NRXN1: variants seen among roughly 807,000 people sequenced by gnomAD.
The protein encoded by NRXN1 is neurexin 1.
NRXN1 carries 39 observed loss-of-function variants against 150.9 expected under a neutral mutation model. That is an observed-to-expected ratio of 0.26 (90% CI 0.20 to 0.34). The LOEUF (loss-of-function observed/expected upper bound fraction) is 0.34, where lower values mean the gene tolerates loss of function less well. Among genes scored for constraint, NRXN1 ranks in the 10% least tolerant of loss-of-function variants. The pLI, the probability that NRXN1 is intolerant of heterozygous loss-of-function variation, is 1.00. For missense variants in NRXN1, 1,815 were observed against 1,949.9 expected (o/e 0.93, Z 1.30); for synonymous variants, 924 against 757.0 (o/e 1.22, Z -3.62).
intron 8 of NRXN1, among the ~76,000 whole-genome samples, chr2:50,591,406 A>AGATAGATAGATAGATAGAT (rs1674205439): frequency 7.4e-6 from 1 of 135,494 alleles, no homozygotes; most frequent in East Asian, 2.2e-4. Flanking sequence ...ATAGATAGAT[A>AGATAGATAGATAGATAGAT]GATAGATAGA....
chr2:50,496,471 C>T (rs779323415), intron 14 of NRXN1, among the ~76,000 whole-genome samples: 1 of 152,158 alleles, frequency 6.6e-6, no homozygotes, highest in Non-Finnish European at 1.5e-5. Context: ...TCCTCTATCT[C>T]GATTCCCTGT....
At chr2:50,083,259 G>A (rs1251659655) in intron 19 of NRXN1, among the ~76,000 whole-genome samples, 6 of 152,182 alleles carry the variant, frequency 3.9e-5, no homozygotes, top group African/African-American at 1.4e-4. Flanking sequence ...AAGCAGTTAA[G>A]CCTAGTTGAT....
At chr2:50,526,798 T>C (rs1003745514) in intron 12 of NRXN1, 1 of 152,206 alleles carries the variant, frequency 6.6e-6, no homozygotes. Context: ...CAATCATTAA[T>C]TGAATTCAAG....
intron 15 of NRXN1, among the ~76,000 whole-genome samples, chr2:50,483,049 T>TTAA (rs2090593879): frequency 6.1e-5 from 1 of 16,490 alleles, no homozygotes. Flanking sequence ...AGACTCCGTG[T>TTAA]CAAAAAAAAA....
At chr2:50,995,602 CAAAAA>C (rs34952996) in intron 2 of NRXN1, among the ~76,000 whole-genome samples, 3 of 71,926 alleles carry the variant, frequency 4.2e-5, no homozygotes, top group South Asian at 5.0e-4. Flanking sequence ...TAGACTCTGT[CAAAAA>C]AAAAAAAAAA....
chr2:50,446,351 C>T (rs552699071), intron 17 of NRXN1, among the ~76,000 whole-genome samples: 1 of 149,472 alleles, frequency 6.7e-6, no homozygotes, highest in African/African-American at 2.5e-5. Flanking sequence ...CCCCCAGTCC[C>T]TTCCTCCCTC....
chr2:50,880,665 A>G (rs1300945615), intron 5 of NRXN1, among the ~76,000 whole-genome samples: 1 of 152,034 alleles, frequency 6.6e-6, no homozygotes, highest in Non-Finnish European at 1.5e-5. Context: ...CAGAAGAATC[A>G]GGCATTTTGT....
chr2:50,794,749 T>C (rs1420442444), intron 5 of NRXN1, among the ~76,000 whole-genome samples: 1 of 152,140 alleles, frequency 6.6e-6, no homozygotes, highest in East Asian at 1.9e-4. Context: ...AAATAAGCAA[T>C]ATATTATCTC....
At chr2:50,124,722 T>C (rs912670934) in intron 18 of NRXN1, among the ~76,000 whole-genome samples, 3 of 152,146 alleles carry the variant, frequency 2.0e-5, no homozygotes, top group African/African-American at 7.2e-5. Context: ...AGTAAAATCA[T>C]TTAAGAATTT....
At chr2:50,440,826 C>T (rs1425737277) in intron 17 of NRXN1, among the ~76,000 whole-genome samples, 3 of 152,062 alleles carry the variant, frequency 2.0e-5, no homozygotes, top group African/African-American at 7.2e-5. Flanking sequence ...TGTTTAAGTT[C>T]ATACCCTGAT....
chr2:50,323,228 T>G (rs192505353), intron 17 of NRXN1, among the ~76,000 whole-genome samples: 3 of 152,178 alleles, frequency 2.0e-5, no homozygotes, highest in African/African-American at 7.2e-5. Context: ...TCTTCTGGAG[T>G]GCTGGTTAAA....
chr2:50,495,942 C>A lies in NRXN1; in HGVS notation c.3033G>T (p.Thr1011=), dbSNP rs764611037. 12 of 1,610,138 alleles carry A rather than the reference C, an allele frequency of 7.5e-6. No individual in the cohort carries two copies. The highest frequency in any genetic ancestry group is 1.0e-5 in the Non-Finnish European group (12 of 1,178,030). ...HTVKIDTKIT[T]QITAGARNLD... is the part of the protein sequence containing the mutation. ...AGTTCCTGGCTCCGGCGGTGATTTG[C>A]GTTGTGATTTTTGTGTCAATCTTTA... The change falls in exon 15 of 23, where the codon ACG becomes ACT. Residue 1011 remains threonine (T), a synonymous_variant. Coordinates refer to ENST00000401669, the MANE Select transcript of NRXN1 (RefSeq NM_001330078.2).
intron 5 of NRXN1, among the ~76,000 whole-genome samples, chr2:50,639,592 T>C (rs1017971805): frequency 4.6e-5 from 7 of 152,130 alleles, no homozygotes; most frequent in Non-Finnish European, 7.4e-5. Flanking sequence ...GATGGAAATA[T>C]TCATTCTGTA....
intron 18 of NRXN1, among the ~76,000 whole-genome samples, chr2:50,169,711 C>CAAAAAAA (rs11296551): frequency 1.9e-5 from 2 of 103,796 alleles, no homozygotes; most frequent in Non-Finnish European, 1.9e-5. Context: ...GCTTCCATCT[C>CAAAAAAA]AAAAAAAAAA....
intron 8 of NRXN1, among the ~76,000 whole-genome samples, chr2:50,588,348 A>T (rs1219563502): frequency 1.3e-5 from 2 of 152,188 alleles, no homozygotes; most frequent in African/African-American, 4.8e-5. Flanking sequence ...CTAAATAGTA[A>T]CTGTGACACT....
intron 2 of NRXN1, among the ~76,000 whole-genome samples, chr2:50,986,906 T>A (rs1015445875): frequency 6.6e-6 from 1 of 151,736 alleles, no homozygotes; most frequent in South Asian, 2.1e-4. Context: ...GAAAGTAAAA[T>A]TGAAAAACAG....
Position 50,347,573 on chromosome 2 carries a change from C to T in NRXN1, c.3365-110603G>A. 2.9e-6 allele frequency: 3 copies of T among 1,019,406 alleles called. No individual in the cohort carries two copies. In the South Asian group the frequency reaches 1.1e-4, roughly 36 times the overall value. 63.1% of individuals were successfully genotyped at this position (1,019,406 alleles called of 1,614,324 possible). On this transcript the variant is annotated intron_variant, in intron 17 of 22. Transcript: ENST00000401669. This position sits in a 1 kb window ranked among gnomAD's most constrained non-coding sequence, Gnocchi z 4.9. ...CGCGCGGAGCAGCGGCGCGCATCGC[C>T]TGCTCCCGAGGCAATCTCCGCGTCC...
At chr2:50,828,550 G>A (rs1367426275) in intron 5 of NRXN1, among the ~76,000 whole-genome samples, 4 of 151,744 alleles carry the variant, frequency 2.6e-5, no homozygotes, top group Non-Finnish European at 5.9e-5. Flanking sequence ...CCTCCCAGAC[G>A]GGGTCGCGGC....
chr2:50,642,627 T>C (rs578171086), intron 5 of NRXN1, among the ~76,000 whole-genome samples: 1 of 152,204 alleles, frequency 6.6e-6, no homozygotes, highest in East Asian at 1.9e-4. Context: ...TGGTGAATTA[T>C]TGATTGGCAT....
Sources: gnomAD v4.1 joint callset for allele counts (sites outside exome capture counted in the v4.1 genomes callset) on GRCh38, gnomAD v4.1.1 for gene constraint, Gnocchi (gnomAD v3.1) non-coding constraint, MANE v1.5 for transcripts, NCBI Gene and HGNC (gene_info 2026-07-23, HGNC 2026-07-21) for gene names.